The following PDE2A variants were observed in gnomAD, a reference collection of about 807,000 sequenced individuals.
PDE2A encodes the protein cGMP-dependent 3',5'-cyclic phosphodiesterase.
A neutral mutation model predicts 133.6 loss-of-function variants in PDE2A; 53 were observed. The observed-to-expected ratio is 0.40, with a 90% CI of 0.32 to 0.50. The LOEUF is 0.50. Among genes scored for constraint, PDE2A ranks in the 20% least tolerant of loss-of-function variants. The pLI is 0.73. For missense variants in PDE2A, 796 were observed against 1,232.4 expected, an observed-to-expected ratio of 0.65 and a Z score of 5.30; for synonymous variants, 491 against 490.2, an observed-to-expected ratio of 1.00 and a Z score of -0.02.
Position 72,577,511 on chromosome 11 carries a change from T to C in PDE2A, c.2699A>G (p.His900Arg). 1 of 1,613,240 alleles carries C rather than the reference T, an allele frequency of 6.2e-7. No individual in the cohort carries two copies. Among genetic ancestry groups the C allele is most frequent in the Non-Finnish European group, 8.5e-7 (1 of 1,179,978 alleles). ...TGGGAGGCCGCGGATGGTGAACTTG[T>C]GGGACACCTTGGTCCAGTGCTCACG... The part of the protein sequence containing the change: ...SNREHWTKVS[H>R]KFTIRGLPSN... Residue 900 changes from histidine (H) to arginine (R), a missense_variant, in exon 31 of 31, where the codon CAC becomes CGC. His to Arg is a conservative substitution (Grantham distance 29). Transcript: ENST00000334456.
intron 1 of PDE2A, chr11:72,668,219 A>T: frequency 1.4e-6 from 1 of 716,422 alleles, no homozygotes; most frequent in Non-Finnish European, 2.6e-6. Context: ...TGCCATCTGG[A>T]ACAGTAATGT....
intron 2 of PDE2A, chr11:72,631,195 C>A: frequency 1.4e-6 from 2 of 1,395,590 alleles, no homozygotes; most frequent in Non-Finnish European, 1.9e-6. Context: ...CCCCTTCTCC[C>A]CAGACTGTCC....
chr11:72,591,984 C>T (rs770958522), intron 6 of PDE2A, among the ~76,000 whole-genome samples: 20 of 152,192 alleles, frequency 1.3e-4, no homozygotes, highest in Admixed American at 2.0e-4. Context: ...AGAGTGAAGA[C>T]AGCACCACCC....
Position 72,578,840 on chromosome 11 carries a change from C to T in PDE2A, c.2469+57G>A, listed in dbSNP as rs1565145682. 1 of 1,052,962 alleles carries T rather than the reference C, an allele frequency of 9.5e-7. No individual in the cohort carries two copies. Among genetic ancestry groups the T allele is most frequent in the Non-Finnish European group, 1.5e-6 (1 of 675,296 alleles). The allele number at this position is 1,052,962 out of a possible 1,614,324, so 65.2% of individuals were successfully genotyped here. A position where few individuals can be genotyped will look rare whatever the true frequency, so the allele number is the denominator to read the frequency against. The stretch of plus-strand genomic sequence containing the variant: ...AGAGAGGGTATTCAGGCACAGGGGG[C>T]ACCCAAAGCTGGGCAGGGTGGGCAG... On this transcript the variant is annotated intron_variant, in intron 28 of 30. Coordinates refer to ENST00000334456, the MANE Select transcript of PDE2A (RefSeq NM_002599.5). The surrounding 1 kb of genome is among the most constrained non-coding windows in gnomAD (Gnocchi z 4.2).
intron 2 of PDE2A, among the ~76,000 whole-genome samples, chr11:72,626,553 G>C (rs1257270398): frequency 6.6e-6 from 1 of 152,214 alleles, no homozygotes; most frequent in Non-Finnish European, 1.5e-5. Context: ...GAAAAGTGCT[G>C]CCTACAGCGC....
intron 4 of PDE2A, among the ~76,000 whole-genome samples, chr11:72,604,707 T>C (rs1856898092): frequency 6.6e-6 from 1 of 152,196 alleles, no homozygotes; most frequent in Non-Finnish European, 1.5e-5. Flanking sequence ...GGACGCTGCC[T>C]GTGATCTCCC....
chr11:72,637,320 G>A (rs759276388), intron 2 of PDE2A, among the ~76,000 whole-genome samples: 37 of 152,218 alleles, frequency 2.4e-4, no homozygotes, highest in Non-Finnish European at 5.3e-4. Context: ...CTAGGTCTGT[G>A]CCACCTGCCA....
chr11:72,582,490 C>T lies in PDE2A; in HGVS notation c.1805G>A (p.Ser602Asn), dbSNP rs1855768498. 1 of 1,614,056 alleles carries T rather than the reference C, an allele frequency of 6.2e-7. No individual in the cohort carries two copies. Among genetic ancestry groups the T allele is most frequent in the Non-Finnish European group, 8.5e-7 (1 of 1,179,938 alleles). Reference sequence around the variant, plus strand: ...CAGGGAACGAGGGGTATAGGTGAAACTTGCAAAATTGGAGTCAATGGCAGC... The same window carrying T: ...CAGGGAACGAGGGGTATAGGTGAAATTTGCAAAATTGGAGTCAATGGCAGC... ...PVAAIDSNFA[S>N]FTYTPRSLPE... The change falls in exon 21 of 31, where the codon AGT (serine) becomes AAT (asparagine). Residue 602 changes from serine to asparagine, a missense_variant. Around this residue, in one of 7 missense-constraint regions of PDE2A, gnomAD observed 218 missense variants for 465.9 expected, o/e 0.47. Coordinates refer to ENST00000334456, the MANE Select transcript of PDE2A (RefSeq NM_002599.5).
chr11:72,582,340 C>T, intron 21 of PDE2A, 104 bp downstream of exon 21: 1 of 1,201,146 alleles, frequency 8.3e-7, no homozygotes, highest in Non-Finnish European at 1.2e-6. Flanking sequence ...CCACAGCCTT[C>T]CTTGATGACT....
chr11:72,615,348 G>A (rs1161917168), intron 2 of PDE2A, among the ~76,000 whole-genome samples: 1 of 152,210 alleles, frequency 6.6e-6, no homozygotes, highest in Non-Finnish European at 1.5e-5. Context: ...GTTTGGGGGT[G>A]GATGAAGGAA....
chr11:72,589,660 A>G, intron 11 of PDE2A, 91 bp downstream of exon 11: 1 of 1,082,514 alleles, frequency 9.2e-7, no homozygotes, highest in Non-Finnish European at 1.4e-6. Flanking sequence ...AGAGTCTAGA[A>G]GATCCAAATA....
chr11:72,669,078 C>A (rs1443953935), intron 1 of PDE2A: 6 of 562,328 alleles, frequency 1.1e-5, no homozygotes, highest in African/African-American at 2.0e-5. Flanking sequence ...ATCATCCTGC[C>A]AAGAAAGGAT....
chr11:72,581,624 T>G, intron 22 of PDE2A, 145 bp from the exon 23 acceptor site: 2 of 1,003,906 alleles, frequency 2.0e-6, no homozygotes, highest in Non-Finnish European at 2.9e-6. Context: ...GAAGTTCCTA[T>G]GCACATCTAA....
At chr11:72,595,796 T>A (rs185815617) in intron 6 of PDE2A, among the ~76,000 whole-genome samples, 114 of 151,956 alleles carry the variant, frequency 7.5e-4, no homozygotes, top group African/African-American at 2.4e-3. Context: ...AACCCCCACC[T>A]CCATACAGGA....
chr11:72,595,447 C>A (rs1047115975), intron 6 of PDE2A, among the ~76,000 whole-genome samples: 17 of 151,962 alleles, frequency 1.1e-4, no homozygotes, highest in Admixed American at 5.2e-4. Context: ...GCGGAGAAAC[C>A]AAGCAGCGGC....
chr11:72,584,509 C>T (rs746442368), intron 18 of PDE2A, 42 bp downstream of exon 18: 34 of 1,546,922 alleles, frequency 2.2e-5, no homozygotes, highest in Non-Finnish European at 2.8e-5. Flanking sequence ...CCCGCCCCGC[C>T]CGGCGCAGGC....
At chr11:72,647,150 T>C (rs1267177049) in intron 1 of PDE2A, among the ~76,000 whole-genome samples, 1 of 152,256 alleles carries the variant, frequency 6.6e-6, no homozygotes, top group African/African-American at 2.4e-5. Context: ...CACTTGGTCC[T>C]GGCAGATCTC....
intron 2 of PDE2A, among the ~76,000 whole-genome samples, chr11:72,610,789 G>A (rs1474336148): frequency 2.0e-5 from 3 of 152,092 alleles, no homozygotes; most frequent in African/African-American, 4.8e-5. Context: ...CCACGTCCTC[G>A]CAGACATCCC....
intron 2 of PDE2A, among the ~76,000 whole-genome samples, chr11:72,617,180 A>G (rs1050570039): frequency 2.0e-5 from 3 of 152,240 alleles, no homozygotes; most frequent in Non-Finnish European, 4.4e-5. Context: ...CCTCCAGGCC[A>G]GAGACTGGGT....
Sources: gnomAD v4.1 joint callset for allele counts (sites outside exome capture counted in the v4.1 genomes callset) on GRCh38, gnomAD v4.1.1 for gene constraint, gnomAD v4.1.1 regional missense constraint, Gnocchi (gnomAD v3.1) non-coding constraint, MANE v1.5 for transcripts, NCBI Gene and HGNC (gene_info 2026-07-23, HGNC 2026-07-21) for gene names.